The following PITPNM2 variants were observed in gnomAD, a reference collection of about 807,000 sequenced individuals.
The protein encoded by PITPNM2 is phosphatidylinositol transfer protein membrane associated 2, also known as membrane-associated phosphatidylinositol transfer protein 2.
A neutral mutation model predicts 132.2 loss-of-function variants in PITPNM2; 35 were observed. That is an observed-to-expected ratio of 0.26 (90% CI 0.20 to 0.35). The LOEUF (loss-of-function observed/expected upper bound fraction) is 0.35, where lower values mean the gene tolerates loss of function less well. Ranked by LOEUF, PITPNM2 falls within the 10% of genes least tolerant of loss-of-function variation. The pLI is 1.00. For synonymous variants in PITPNM2, 738 were observed against 799.2 expected (o/e 0.92, Z 1.29); for missense variants, 1,332 against 1,912.0 (o/e 0.70, Z 5.66).
chr12:123,001,863 T>C (rs1287725971), intron 8 of PITPNM2, among the ~76,000 whole-genome samples: 1 of 152,002 alleles, frequency 6.6e-6, no homozygotes, highest in African/African-American at 2.4e-5. Context: ...AAATCCCGTC[T>C]CTACTAAAAA....
chr12:123,125,883 T>TG (rs2043129710), intron 1 of PITPNM2, among the ~76,000 whole-genome samples: 1 of 119,632 alleles, frequency 8.4e-6, no homozygotes, highest in African/African-American at 3.1e-5. Context: ...TTTTTTTTTT[T>TG]TTTTGAGATG....
chr12:123,040,706 T>A (rs1018480094), intron 2 of PITPNM2, among the ~76,000 whole-genome samples: 2 of 152,072 alleles, frequency 1.3e-5, no homozygotes, highest in African/African-American at 4.8e-5. Flanking sequence ...AAAAAGATCA[T>A]GTAGAACACG....
chr12:123,019,956 G>C (rs892689716), intron 3 of PITPNM2, among the ~76,000 whole-genome samples: 13 of 152,202 alleles, frequency 8.5e-5, no homozygotes, highest in Non-Finnish European at 1.3e-4. Flanking sequence ...TGGGTAGGGA[G>C]GCAGGTGACA....
At chr12:122,990,443 G>T in intron 17 of PITPNM2, 102 bp downstream of exon 17, 2 of 1,495,548 alleles carry the variant, frequency 1.3e-6, no homozygotes, top group Non-Finnish European at 1.8e-6. Flanking sequence ...GCCCTCCCTA[G>T]CTTCATCAGC....
In PITPNM2 at chr12:123,034,275, G is replaced by A. The variant is rs1039348443; in HGVS notation, c.78+238C>T. On this transcript the variant is annotated intron_variant, in intron 3 of 25. Transcript: ENST00000320201. ...GCTGAACGCAAGGGCAAGTGTTCGC[G>A]TTGTAGGCGGCGGGACACAGTGCCG... The A allele has an allele frequency of 2.7e-5, 14 of 516,216 alleles. No homozygotes were observed. In the Middle Eastern group the frequency reaches 2.0e-3, roughly 73 times the overall value. The allele number at this position is 516,216 out of a possible 1,614,324, so 32.0% of individuals were successfully genotyped here. A position where few individuals can be genotyped will look rare whatever the true frequency, so the allele number is the denominator to read the frequency against.
intron 1 of PITPNM2, among the ~76,000 whole-genome samples, chr12:123,122,688 C>A (rs1488921304): frequency 6.6e-6 from 1 of 152,140 alleles, no homozygotes; most frequent in African/African-American, 2.4e-5. Flanking sequence ...TCTTCCAGAC[C>A]ACAACCTGAC....
chr12:123,030,264 A>T (rs2040034065), intron 3 of PITPNM2, among the ~76,000 whole-genome samples: 1 of 152,178 alleles, frequency 6.6e-6, no homozygotes, highest in Admixed American at 6.5e-5. Context: ...TGGAAACTTC[A>T]TACATTCCCA....
At chr12:123,029,175 G>A (rs1050380706) in intron 3 of PITPNM2, among the ~76,000 whole-genome samples, 1 of 152,190 alleles carries the variant, frequency 6.6e-6, no homozygotes, top group Non-Finnish European at 1.5e-5. Flanking sequence ...CCTACTAGGG[G>A]TCCCAAAGAG....
intron 2 of PITPNM2, chr12:123,090,850 C>G (rs897866431): frequency 6.6e-6 from 1 of 152,304 alleles, no homozygotes; most frequent in Non-Finnish European, 1.5e-5. Context: ...CTTCCTAACC[C>G]TTGATGTAGA....
intron 20 of PITPNM2, 85 bp from the exon 21 acceptor site, chr12:122,987,986 G>A: frequency 2.4e-6 from 3 of 1,260,384 alleles, no homozygotes; most frequent in Non-Finnish European, 3.4e-6. Flanking sequence ...TGGGCCTGAG[G>A]GGCAGGCTTG....
chr12:122,990,190 G>A (rs557588627), intron 17 of PITPNM2, among the ~76,000 whole-genome samples: 4 of 152,384 alleles, frequency 2.6e-5, no homozygotes, highest in Middle Eastern at 3.4e-3. Context: ...AGCCCCTGGC[G>A]GGGACTGAGA....
rs148614134 is a variant in PITPNM2, at chr12:123,147,604, T to C, written c.-200+3149A>G. Reference sequence around the variant, plus strand: ...AAGAGACAGTTCAGGAAAGCAGCAATAAATATGCTGATGTTGAGGGTAATA... The same window carrying C: ...AAGAGACAGTTCAGGAAAGCAGCAACAAATATGCTGATGTTGAGGGTAATA... On this transcript the variant is annotated intron_variant, in intron 1 of 25. Coordinates refer to ENST00000320201, the MANE Select transcript of PITPNM2 (RefSeq NM_020845.3). 4.2e-3 allele frequency among the ~76,000 whole-genome samples: 640 copies of C among 152,176 alleles called. 7 individuals carry two copies. The highest frequency in any genetic ancestry group is 0.013 in the African/African-American group (546 of 41,514).
intron 1 of PITPNM2, among the ~76,000 whole-genome samples, chr12:123,130,930 G>A (rs139599003): frequency 2.1e-4 from 32 of 152,254 alleles, no homozygotes; most frequent in Non-Finnish European, 2.1e-4. Flanking sequence ...AATAGGAGAG[G>A]CTTGGACAGG....
chr12:123,012,325 C>T (rs367605987), intron 5 of PITPNM2, among the ~76,000 whole-genome samples: 4 of 152,146 alleles, frequency 2.6e-5, no homozygotes, highest in South Asian at 4.1e-4. Flanking sequence ...GATGGATGCC[C>T]GAGCCCATAT....
In PITPNM2 at chr12:123,008,169, A is replaced by G. The variant is rs1039732246; in HGVS notation, c.643+1681T>C. Among the ~76,000 whole-genome samples, 1 of 152,170 alleles carries G rather than the reference A, an allele frequency of 6.6e-6. No individual in the cohort carries two copies. The highest frequency in any genetic ancestry group is 1.5e-5 in the Non-Finnish European group (1 of 68,030). ...GTCTTCTTTCTTCCCACCAGCCACA[A>G]GCTCCTGCTTTCTGAGGGGAGAACT... On this transcript the variant is annotated intron_variant, in intron 6 of 25. Transcript: ENST00000320201. This position sits in a 1 kb window ranked among gnomAD's most constrained non-coding sequence, Gnocchi z 4.1.
In PITPNM2 at chr12:123,058,471, G is replaced by A. The variant is rs2041117621; in HGVS notation, c.-95-23786C>T. 6.6e-6 allele frequency among the ~76,000 whole-genome samples: 1 copy of A among 152,180 alleles called. No homozygotes were observed. Among genetic ancestry groups the A allele is most frequent in the Non-Finnish European group, 1.5e-5 (1 of 68,030 alleles). ...TAGAGGACATCTTCCCAATGCAGAT[G>A]CAACCATGTTTGCCAGCTCCCCAGA... On this transcript the variant is annotated intron_variant, in intron 2 of 25. Coordinates refer to ENST00000320201, the MANE Select transcript of PITPNM2 (RefSeq NM_020845.3). The surrounding 1 kb of genome is among the most constrained non-coding windows in gnomAD (Gnocchi z 4.0).
chr12:122,986,477 T>C lies in PITPNM2; in HGVS notation c.3685A>G (p.Ile1229Val). Reference protein sequence around the residue: ...AISLSPMQIYIVGRPTKKLQQ... With the variant: ...AISLSPMQIYVVGRPTKKLQQ... Reference sequence around the variant, plus strand: ...AGCTTCTTGGTGGGCCGGCCCACGATGTAGATCTGCATGGGGGACAGGCTA... The same window carrying C: ...AGCTTCTTGGTGGGCCGGCCCACGACGTAGATCTGCATGGGGGACAGGCTA... The change falls in exon 25 of 26, where the codon ATC (isoleucine) becomes GTC (valine). Residue 1229 changes from isoleucine (I) to valine (V), a missense_variant. By Grantham distance (29) the Ile-to-Val change is conservative (BLOSUM62 3). This residue lies in a region of PITPNM2 where 251 missense variants were observed against 472.0 expected (regional missense o/e 0.53). Transcript: ENST00000320201. 2 of 1,585,318 alleles carry C rather than the reference T, an allele frequency of 1.3e-6. No individual in the cohort carries two copies. The highest frequency in any genetic ancestry group is 2.3e-5 in the South Asian group (2 of 87,574).
At chr12:123,046,221 C>T (rs1257111006) in intron 2 of PITPNM2, among the ~76,000 whole-genome samples, 1 of 152,036 alleles carries the variant, frequency 6.6e-6, no homozygotes, top group Admixed American at 6.6e-5. Flanking sequence ...GTGTGAATGG[C>T]CCCCTCCTGA....
At chr12:123,048,253 T>C (rs1485073662) in intron 2 of PITPNM2, among the ~76,000 whole-genome samples, 1 of 152,074 alleles carries the variant, frequency 6.6e-6, no homozygotes, top group Non-Finnish European at 1.5e-5. Flanking sequence ...TCTGAAGACA[T>C]TAAGCAAAGT....
Sources: allele counts gnomAD v4.1 joint callset (sites outside exome capture counted in the v4.1 genomes callset), GRCh38; gene constraint gnomAD v4.1.1; regional missense constraint gnomAD v4.1.1; non-coding constraint Gnocchi (gnomAD v3.1); transcripts MANE v1.5; gene names NCBI Gene and HGNC (gene_info 2026-07-23, HGNC 2026-07-21).